Variants in MCF2L observed in about 807,000 individuals in gnomAD.
MCF2L encodes guanine nucleotide exchange factor DBS.
A neutral mutation model predicts 153.4 loss-of-function variants in MCF2L; 97 were observed. That is an observed-to-expected ratio of 0.63 (90% confidence interval 0.54 to 0.75). The LOEUF is 0.75. Ranked by LOEUF, MCF2L falls within the 30% of genes least tolerant of loss-of-function variation. The pLI is 0.00. For synonymous variants in MCF2L, 659 were observed against 632.2 expected, an observed-to-expected ratio of 1.04 and a Z score of -0.64; for missense variants, 1,347 against 1,495.2, an observed-to-expected ratio of 0.90 and a Z score of 1.64.
At chr13:112,984,493 C>T (rs889900052) in intron 1 of MCF2L, among the ~76,000 whole-genome samples, 3 of 152,190 alleles carry the variant, frequency 2.0e-5, no homozygotes, top group African/African-American at 7.2e-5. Flanking sequence ...CCGCCTCAGC[C>T]TCCCAAAGTG....
At chr13:112,939,022 G>A (rs751973881) in intron 2 of MCF2L, among the ~76,000 whole-genome samples, 9 of 152,200 alleles carry the variant, frequency 5.9e-5, no homozygotes, top group Non-Finnish European at 1.3e-4. Context: ...AGGACAGGAA[G>A]AGCTATGAAT....
chr13:112,979,638 T>C, intron 1 of MCF2L: 1 of 1,612,562 alleles, frequency 6.2e-7, no homozygotes, highest in Non-Finnish European at 8.5e-7. Flanking sequence ...TGCCTCCGCT[T>C]TGTAGCAGCC....
At position 113,088,324 on chromosome 13, in the gene MCF2L, C is replaced by G; in HGVS notation, c.2689-3C>G. 6.2e-7 allele frequency: 1 copy of G among 1,613,764 alleles called. No individual in the cohort carries two copies. The highest frequency in any genetic ancestry group is 8.5e-7 in the Non-Finnish European group (1 of 1,179,838). ...CCTCCTGGCGTTTCTTTTGGGGAAA[C>G]AGGCGCCAACTCCTGAGATTAAAGC... On this transcript the variant is annotated splice_region_variant and splice_polypyrimidine_tract_variant and intron_variant, in intron 23 of 29. Transcript: ENST00000535094.
chr13:112,955,187 C>G (rs1009182883), intron 2 of MCF2L, among the ~76,000 whole-genome samples: 1 of 152,140 alleles, frequency 6.6e-6, no homozygotes, highest in Non-Finnish European at 1.5e-5. Context: ...TCCCATTGCT[C>G]AGTGCTGGGT....
chr13:112,903,231 G>A (rs1161336557), intron 2 of MCF2L, among the ~76,000 whole-genome samples: 2 of 152,226 alleles, frequency 1.3e-5, no homozygotes, highest in African/African-American at 4.8e-5. Context: ...AAGGGATTTT[G>A]ATAATTCTGC....
In MCF2L at chr13:113,031,217, CAGAG is replaced by C. The variant is rs1219537956; in HGVS notation, c.278+6465_278+6468del. 7.9e-5 allele frequency among the ~76,000 whole-genome samples: 11 copies of C among 139,640 alleles called. No individual in the cohort carries two copies. Among genetic ancestry groups the C allele is most frequent in the East Asian group, 2.7e-4 (1 of 3,670 alleles). 91.6% of individuals were successfully genotyped at this position (139,640 alleles called of 152,430 possible). On this transcript the variant is annotated intron_variant, in intron 3 of 29. Coordinates refer to ENST00000535094, the MANE Select transcript of MCF2L (RefSeq NM_001112732.3). The surrounding 1 kb of genome is among the most constrained non-coding windows in gnomAD (Gnocchi z 5.5). ...AGACAGAGACAGACAGAGACAGAGA[CAGAG>C]AGAGACAGAGAGAAGAGACAGAGAG... is the stretch of plus-strand genomic sequence containing the variant.
intron 2 of MCF2L, chr13:112,957,708 A>G (rs1167862197): frequency 2.6e-5 from 4 of 152,150 alleles, no homozygotes; most frequent in Non-Finnish European, 5.9e-5. Context: ...TCTCATTTTC[A>G]TGGGTTTTTA....
chr13:113,051,299 G>A (rs2087304321), intron 4 of MCF2L, among the ~76,000 whole-genome samples: 1 of 152,156 alleles, frequency 6.6e-6, no homozygotes, highest in East Asian at 1.9e-4. Context: ...GGCGGCCTGG[G>A]CCTTTCTGTC....
At chr13:113,095,432 G>T (rs1408521907) in intron 27 of MCF2L, 6 of 1,085,324 alleles carry the variant, frequency 5.5e-6, no homozygotes, top group Non-Finnish European at 6.7e-6. Flanking sequence ...GAGGCCACGT[G>T]GCAGGAGGGG....
At chr13:112,902,420 T>C (rs941440584) in intron 2 of MCF2L, 8 of 1,563,746 alleles carry the variant, frequency 5.1e-6, no homozygotes, top group Non-Finnish European at 7.0e-6. Flanking sequence ...GTCTCACTGC[T>C]GATCAGACCT....
At chr13:112,947,188 C>T (rs1164615547) in intron 2 of MCF2L, among the ~76,000 whole-genome samples, 1 of 152,174 alleles carries the variant, frequency 6.6e-6, no homozygotes, top group African/African-American at 2.4e-5. Flanking sequence ...TCCTAACCAC[C>T]TACCAAAGAC....
At chr13:112,987,585 C>T (rs1467743454) in intron 1 of MCF2L, among the ~76,000 whole-genome samples, 2 of 152,074 alleles carry the variant, frequency 1.3e-5, no homozygotes, top group Non-Finnish European at 2.9e-5. Flanking sequence ...TGTGAGGTCT[C>T]GGCCTGCGCT....
At chr13:112,905,232 G>T (rs377703060) in intron 2 of MCF2L, among the ~76,000 whole-genome samples, 3 of 152,336 alleles carry the variant, frequency 2.0e-5, no homozygotes, top group African/African-American at 7.2e-5. Context: ...AGGAGAGGGG[G>T]TTTTATCCCT....
At chr13:113,071,388 G>A (rs961763363) in intron 9 of MCF2L, among the ~76,000 whole-genome samples, 10 of 152,070 alleles carry the variant, frequency 6.6e-5, no homozygotes, top group African/African-American at 1.7e-4. Flanking sequence ...GGTTTTTCAC[G>A]TAGCCAAAGC....
At position 113,096,640 on chromosome 13, in the gene MCF2L, C is replaced by G. The variant is rs777436276; in HGVS notation, c.3279C>G (p.Cys1093Trp). 1 of 1,589,384 alleles carries G rather than the reference C, an allele frequency of 6.3e-7. No individual in the cohort carries two copies. ...TCGGCCCGTCCGGCTCGGCCCAGTG[C>G]CTGAGCAGCTCAGGTAAGGCCCACG... is the stretch of plus-strand genomic sequence containing the variant. ...VRLGPSGSAQ[C>W]LSSSESSPGS... Residue 1093 changes from cysteine (C) to tryptophan (W), a missense_variant, in exon 29 of 30, where the codon TGC (cysteine) becomes TGG (tryptophan). This residue lies in a region of MCF2L where 383 missense variants were observed against 335.4 expected (regional missense o/e 1.14). Transcript: ENST00000535094.
In MCF2L at chr13:113,096,909, T is replaced by TCC; in HGVS notation, c.*50_*51insCC. The stretch of plus-strand genomic sequence containing the variant: ...CGCGCTGTCTGGGGCTGCGGTGGCG[T>TCC]GGGGAGGGCGCGGCCCCCGGACGCC... On this transcript the variant is annotated 3_prime_UTR_variant, in exon 30 of 30. Coordinates refer to ENST00000535094, the MANE Select transcript of MCF2L (RefSeq NM_001112732.3). The TCC allele has an allele frequency of 8.0e-7, 1 of 1,252,380 alleles. No individual in the cohort carries two copies. The highest frequency in any genetic ancestry group is 1.0e-6 in the Non-Finnish European group (1 of 980,542). The allele number at this position is 1,252,380 out of a possible 1,614,324, so 77.6% of individuals were successfully genotyped here.
rs1243560172 is a variant in MCF2L, at chr13:113,035,072, C to T, written c.279-10199C>T. 6.6e-6 allele frequency among the ~76,000 whole-genome samples: 1 copy of T among 152,198 alleles called. No individual in the cohort carries two copies. The highest frequency in any genetic ancestry group is 2.4e-5 in the African/African-American group (1 of 41,444). Reference sequence around the variant, plus strand: ...CCTCGGGAGGAAGGGTTCCTGTCCACGTTCAGCACCCCCGTGCAGACCTCA... The same window carrying T: ...CCTCGGGAGGAAGGGTTCCTGTCCATGTTCAGCACCCCCGTGCAGACCTCA... On this transcript the variant is annotated intron_variant, in intron 3 of 29. Coordinates refer to ENST00000535094, the MANE Select transcript of MCF2L (RefSeq NM_001112732.3). This position sits in a 1 kb window ranked among gnomAD's most constrained non-coding sequence, Gnocchi z 4.4.
chr13:112,895,288 CG>C (rs1185091354), intron 1 of MCF2L, among the ~76,000 whole-genome samples: 2 of 152,142 alleles, frequency 1.3e-5, no homozygotes, highest in Non-Finnish European at 2.9e-5. Flanking sequence ...CTCACAGAGC[CG>C]GGACCCCGAA....
At chr13:113,032,905 G>A (rs992518922) in intron 3 of MCF2L, among the ~76,000 whole-genome samples, 1 of 152,222 alleles carries the variant, frequency 6.6e-6, no homozygotes, top group Non-Finnish European at 1.5e-5. Context: ...CCCCTGTGAT[G>A]TAAGCGGACC....
Sources: allele counts gnomAD v4.1 joint callset (sites outside exome capture counted in the v4.1 genomes callset), GRCh38; gene constraint gnomAD v4.1.1; regional missense constraint gnomAD v4.1.1; non-coding constraint Gnocchi (gnomAD v3.1); transcripts MANE v1.5; gene names NCBI Gene and HGNC (gene_info 2026-07-23, HGNC 2026-07-21).